Variants in CRIM1 observed in about 807,000 individuals in gnomAD.
The protein encoded by CRIM1 is cysteine rich transmembrane BMP regulator 1.
Under a neutral mutation model 116.4 loss-of-function variants are expected in CRIM1, and 32 were observed. The ratio of observed to expected loss-of-function variants is 0.27; its 90% CI spans 0.21 to 0.37. The LOEUF (loss-of-function observed/expected upper bound fraction) is 0.37, where lower values mean the gene tolerates loss of function less well. CRIM1 is among the 10% of genes least tolerant of loss of function. The probability of loss-of-function intolerance (pLI) is 1.00; values close to 1 mark genes in which losing one functional copy is unlikely to be tolerated. For missense variants in CRIM1, 1,331 were observed against 1,354.8 expected (o/e 0.98, Z 0.28); for synonymous variants, 590 against 509.2 (o/e 1.16, Z -2.13).
chr2:36,423,478 G>A (rs1397935946), intron 2 of CRIM1, among the ~76,000 whole-genome samples: 2 of 152,218 alleles, frequency 1.3e-5, no homozygotes, highest in Admixed American at 6.5e-5. Context: ...ATGTATTATA[G>A]TAATGTGCAA....
chr2:36,472,535 A>T (rs1330812038), intron 5 of CRIM1, among the ~76,000 whole-genome samples: 1 of 152,080 alleles, frequency 6.6e-6, no homozygotes, highest in African/African-American at 2.4e-5. Context: ...CGTCAGTCCC[A>T]TCCCCTCCTG....
chr2:36,535,151 G>C (rs1666449431), intron 13 of CRIM1, among the ~76,000 whole-genome samples: 4 of 132,220 alleles, frequency 3.0e-5, no homozygotes, highest in African/African-American at 1.1e-4. Context: ...AGGAAGGAGA[G>C]AGGGGGAAGG....
chr2:36,500,641 G>T (rs1315329163), intron 8 of CRIM1, among the ~76,000 whole-genome samples: 1 of 152,014 alleles, frequency 6.6e-6, no homozygotes, highest in Non-Finnish European at 1.5e-5. Context: ...TATACTTTAT[G>T]CCTCCCAGCT....
intron 1 of CRIM1, among the ~76,000 whole-genome samples, chr2:36,392,328 C>T (rs989325805): frequency 1.3e-5 from 2 of 152,148 alleles, no homozygotes; most frequent in Non-Finnish European, 2.9e-5. Context: ...CTTAAAAATA[C>T]ATTTGCAGAG....
chr2:36,471,793 A>T (rs1434070885), intron 5 of CRIM1, among the ~76,000 whole-genome samples: 1 of 151,762 alleles, frequency 6.6e-6, no homozygotes, highest in Non-Finnish European at 1.5e-5. Context: ...GTTTGCATTC[A>T]AAGCCATCCT....
At position 36,476,906 on chromosome 2, in the gene CRIM1, G is replaced by C; in HGVS notation, c.1009G>C (p.Val337Leu). 1.2e-6 allele frequency: 2 copies of C among 1,612,892 alleles called. No individual in the cohort carries two copies. Among genetic ancestry groups the C allele is most frequent in the South Asian group, 2.2e-5 (2 of 90,836 alleles). ...CTTTTCAGATACAAAGCCAGCCTGC[G>C]TATTTAACAATGTGGAATATTATGA... ...ECVNDTKPAC[V>L]FNNVEYYDGD... The change falls in exon 6 of 17, where the codon GTA becomes CTA. Residue 337 changes from valine to leucine, a missense_variant. Val to Leu is a conservative substitution (Grantham distance 32). Around this residue, in one of 3 missense-constraint regions of CRIM1, gnomAD observed 690 missense variants for 676.0 expected, o/e 1.02. Coordinates refer to ENST00000280527, the MANE Select transcript of CRIM1 (RefSeq NM_016441.3).
chr2:36,467,771 T>C (rs1334380724), intron 5 of CRIM1, among the ~76,000 whole-genome samples: 1 of 152,180 alleles, frequency 6.6e-6, no homozygotes, highest in Non-Finnish European at 1.5e-5. Context: ...GGCCCCCAGT[T>C]TTCTGGCCAT....
intron 4 of CRIM1, among the ~76,000 whole-genome samples, chr2:36,452,648 A>G (rs912411428): frequency 6.6e-6 from 1 of 152,088 alleles, no homozygotes; most frequent in African/African-American, 2.4e-5. Context: ...TTCTCTTCAG[A>G]TGCGTGCGTG....
chr2:36,357,231 G>T (rs1245171039), intron 1 of CRIM1, among the ~76,000 whole-genome samples: 1 of 152,118 alleles, frequency 6.6e-6, no homozygotes, highest in Admixed American at 6.5e-5. Context: ...ACACACGGTG[G>T]TTACTCATTT....
chr2:36,476,858 A>T (rs775365449), intron 5 of CRIM1, 31 bp from the exon 6 acceptor site: 1 of 1,570,860 alleles, frequency 6.4e-7, no homozygotes, highest in Admixed American at 1.8e-5. Flanking sequence ...AATGACTACA[A>T]ATATGCCTTG....
At chr2:36,544,020 C>T (rs1667140607) in intron 14 of CRIM1, among the ~76,000 whole-genome samples, 1 of 152,162 alleles carries the variant, frequency 6.6e-6, no homozygotes. Context: ...TAAAGAGCAG[C>T]AGCTATTAAA....
Position 36,520,468 on chromosome 2 carries a change from G to A in CRIM1, c.2207-1624G>A, listed in dbSNP as rs142823852. Among the ~76,000 whole-genome samples, 82 of 152,306 alleles carry A rather than the reference G, an allele frequency of 5.4e-4. No homozygotes were observed. In the East Asian group the frequency reaches 8.7e-3, roughly 16 times the overall value. On this transcript the variant is annotated intron_variant, in intron 12 of 16. Transcript: ENST00000280527. ...CTTAGAGAAGAAATTATCCCTCGAC[G>A]TAGATAACCACGAAAAGGTCATTGA...
At chr2:36,405,988 T>C (rs1672750818) in intron 2 of CRIM1, among the ~76,000 whole-genome samples, 1 of 152,234 alleles carries the variant, frequency 6.6e-6, no homozygotes, top group Non-Finnish European at 1.5e-5. Context: ...TGGTCTTTGC[T>C]AAACTTTACA....
In CRIM1 at chr2:36,546,763, A is replaced by T. The variant is rs995425190; in HGVS notation, c.2747-221A>T. ...CCCAATTATTAAGATTCTCACTCTG[A>T]TTTTTTTTTTTTTTTTTTTTTTTTT... On this transcript the variant is annotated intron_variant, in intron 15 of 16. Coordinates refer to ENST00000280527, the MANE Select transcript of CRIM1 (RefSeq NM_016441.3). 3.6e-3 allele frequency among the ~76,000 whole-genome samples: 365 copies of T among 101,820 alleles called. 5 individuals are homozygous for T. The highest frequency in any genetic ancestry group is 0.013 in the African/African-American group (333 of 26,082). The allele number at this position is 101,820 out of a possible 152,430, so 66.8% of individuals were successfully genotyped here.
intron 1 of CRIM1, among the ~76,000 whole-genome samples, chr2:36,383,819 A>G (rs1427162485): frequency 6.6e-6 from 1 of 152,200 alleles, no homozygotes; most frequent in Non-Finnish European, 1.5e-5. Flanking sequence ...AAGTGTTCCT[A>G]AGCAGAGAAA....
intron 7 of CRIM1, among the ~76,000 whole-genome samples, chr2:36,493,430 GAC>G (rs746115160): frequency 2.5e-4 from 38 of 152,294 alleles, no homozygotes; most frequent in East Asian, 3.9e-4. Flanking sequence ...TTTACCAGAG[GAC>G]AGCACAGTGA....
chr2:36,460,678 G>GT (rs941887875), intron 4 of CRIM1, among the ~76,000 whole-genome samples: 15 of 152,292 alleles, frequency 9.8e-5, no homozygotes, highest in African/African-American at 3.4e-4. Context: ...TTTCTTTTGT[G>GT]TTTTTGTTTT....
intron 4 of CRIM1, among the ~76,000 whole-genome samples, chr2:36,457,235 G>C (rs1448974560): frequency 2.6e-5 from 4 of 151,948 alleles, no homozygotes; most frequent in Non-Finnish European, 5.9e-5. Flanking sequence ...GTGAGATTTT[G>C]GGGCACCCAT....
chr2:36,476,358 T>C (rs1454603144), intron 5 of CRIM1, among the ~76,000 whole-genome samples: 1 of 152,202 alleles, frequency 6.6e-6, no homozygotes, highest in East Asian at 1.9e-4. Context: ...AGGTGATACA[T>C]ATAGAGAGTA....
Sources: allele counts gnomAD v4.1 joint callset (sites outside exome capture counted in the v4.1 genomes callset), GRCh38; gene constraint gnomAD v4.1.1; regional missense constraint gnomAD v4.1.1; transcripts MANE v1.5; gene names NCBI Gene and HGNC (gene_info 2026-07-23, HGNC 2026-07-21).